SLC39A11: variants seen among roughly 807,000 people sequenced by gnomAD.
The protein encoded by SLC39A11 is solute carrier family 39 member 11, also known as zinc transporter ZIP11.
In SLC39A11, 33 loss-of-function variants were observed where a neutral mutation model predicts 36.1. The observed-to-expected ratio is 0.91, with a 90% CI of 0.69 to 1.22. The LOEUF (loss-of-function observed/expected upper bound fraction) is 1.22. Among genes scored for constraint, SLC39A11 ranks in the 50% most tolerant of loss-of-function variants. The pLI, the probability that SLC39A11 is intolerant of heterozygous loss-of-function variation, is 0.00. For synonymous variants in SLC39A11, 166 were observed against 170.3 expected (o/e 0.97, Z 0.20); for missense variants, 432 against 430.3 (o/e 1.00, Z -0.03).
At chr17:72,948,270 G>T (rs2085572130) in intron 4 of SLC39A11, among the ~76,000 whole-genome samples, 3 of 145,156 alleles carry the variant, frequency 2.1e-5, no homozygotes, top group African/African-American at 5.2e-5. Context: ...CGTCATCGCC[G>T]CACACATACC....
At chr17:72,852,162 G>A (rs560765171) in intron 5 of SLC39A11, among the ~76,000 whole-genome samples, 11 of 122,144 alleles carry the variant, frequency 9.0e-5, no homozygotes, top group Admixed American at 3.4e-4. Context: ...CCGAGATCCC[G>A]CGGCTGCACT....
At chr17:72,913,589 G>A (rs1482131160) in intron 5 of SLC39A11, among the ~76,000 whole-genome samples, 1 of 152,152 alleles carries the variant, frequency 6.6e-6, no homozygotes, top group Admixed American at 6.5e-5. Flanking sequence ...GAGAGAGGTA[G>A]AGATTTGGAC....
intron 4 of SLC39A11, among the ~76,000 whole-genome samples, chr17:72,997,542 C>T (rs2089592736): frequency 6.6e-6 from 1 of 152,192 alleles, no homozygotes; most frequent in Non-Finnish European, 1.5e-5. Context: ...CGTGAGCCAC[C>T]ACGCCCAGCC....
intron 6 of SLC39A11, among the ~76,000 whole-genome samples, chr17:72,755,019 C>A (rs563320468): frequency 1.3e-5 from 2 of 151,950 alleles, no homozygotes; most frequent in Non-Finnish European, 2.9e-5. Flanking sequence ...CTTTTTGTAT[C>A]CACAGGATAG....
intron 7 of SLC39A11, among the ~76,000 whole-genome samples, chr17:72,729,408 TATATATA>T (rs2074069434): frequency 0.018 from 79 of 4,442 alleles, 5 homozygotes; most frequent in African/African-American, 0.024. Flanking sequence ...TGGCTATTTA[TATATATA>T]TATATATATA....
intron 7 of SLC39A11, among the ~76,000 whole-genome samples, chr17:72,715,216 G>A (rs988436467): frequency 2.6e-5 from 4 of 152,160 alleles, no homozygotes; most frequent in Non-Finnish European, 5.9e-5. Flanking sequence ...GATGTTACAA[G>A]GCAGATAAGA....
chr17:72,978,118 T>C (rs565141554), intron 4 of SLC39A11, among the ~76,000 whole-genome samples: 3 of 152,246 alleles, frequency 2.0e-5, no homozygotes, highest in African/African-American at 4.8e-5. Flanking sequence ...GAGGTTCTAG[T>C]GAGAATCTGG....
intron 7 of SLC39A11, among the ~76,000 whole-genome samples, chr17:72,720,821 G>C (rs1447828398): frequency 2.0e-5 from 3 of 152,180 alleles, no homozygotes; most frequent in Admixed American, 6.5e-5. Context: ...GCCAGGATTT[G>C]AACCCAGGGA....
intron 6 of SLC39A11, among the ~76,000 whole-genome samples, chr17:72,848,378 T>C (rs973091154): frequency 1.3e-5 from 2 of 152,242 alleles, no homozygotes; most frequent in Non-Finnish European, 2.9e-5. Context: ...TTCATTGTTT[T>C]TGAAATAAGG....
chr17:72,750,380 G>T (rs1024474504), intron 6 of SLC39A11, among the ~76,000 whole-genome samples: 2 of 144,594 alleles, frequency 1.4e-5, no homozygotes, highest in Non-Finnish European at 3.0e-5. Context: ...CCGTACATGG[G>T]CATCATGAAC....
chr17:73,032,718 G>C (rs1164582792), intron 3 of SLC39A11, among the ~76,000 whole-genome samples: 1 of 152,124 alleles, frequency 6.6e-6, no homozygotes, highest in Non-Finnish European at 1.5e-5. Flanking sequence ...GACAGCCTCT[G>C]AAATATCTGA....
intron 7 of SLC39A11, among the ~76,000 whole-genome samples, chr17:72,706,165 T>G (rs1331714056): frequency 6.6e-6 from 1 of 152,154 alleles, no homozygotes; most frequent in Non-Finnish European, 1.5e-5. Context: ...GTGTTTGTTT[T>G]CCTTCTGATT....
At chr17:73,037,554 T>C (rs1044249357) in intron 3 of SLC39A11, among the ~76,000 whole-genome samples, 3 of 152,210 alleles carry the variant, frequency 2.0e-5, no homozygotes, top group Non-Finnish European at 4.4e-5. Flanking sequence ...CCCCGGATGG[T>C]AGAGAACAAA....
chr17:72,873,361 T>C (rs991146906), intron 5 of SLC39A11, among the ~76,000 whole-genome samples: 2 of 152,136 alleles, frequency 1.3e-5, no homozygotes, highest in African/African-American at 2.4e-5. Context: ...AATCACCTTA[T>C]CCATTTCCTA....
chr17:73,001,866 T>C (rs2089842116), intron 4 of SLC39A11, among the ~76,000 whole-genome samples: 1 of 152,130 alleles, frequency 6.6e-6, no homozygotes, highest in Non-Finnish European at 1.5e-5. Flanking sequence ...ATGGAAAGTA[T>C]CACAGACAGA....
rs187538656 is a variant in SLC39A11 at position 72,721,941 on chromosome 17, G to T, written c.671+14709C>A. Among the ~76,000 whole-genome samples the T allele has an allele frequency of 2.8e-3, 386 of 138,224 alleles. 3 individuals carry two copies. The highest frequency in any genetic ancestry group is 0.011 in the African/African-American group (368 of 35,026). The allele number at this position is 138,224 out of a possible 152,430, so 90.7% of individuals were successfully genotyped here. On this transcript the variant is annotated intron_variant, in intron 7 of 9. Coordinates refer to ENST00000255559, the MANE Select transcript of SLC39A11 (RefSeq NM_139177.4). ...GCAGAGATGGCGCCACTACATTCCA[G>T]CCTGGGCAACAGGCAAGCCTCCATC...
At chr17:72,809,753 TTTTG>T (rs963665906) in intron 6 of SLC39A11, among the ~76,000 whole-genome samples, 13 of 152,260 alleles carry the variant, frequency 8.5e-5, no homozygotes, top group Admixed American at 3.9e-4. Flanking sequence ...AAGCCTCAGA[TTTTG>T]TTTGTTTGTT....
At chr17:72,936,180 A>G (rs1263469296) in intron 5 of SLC39A11, among the ~76,000 whole-genome samples, 2 of 152,150 alleles carry the variant, frequency 1.3e-5, no homozygotes, top group Non-Finnish European at 2.9e-5. Context: ...CCTGGGCGAC[A>G]GAGTGAGATG....
At chr17:72,715,286 G>A (rs571574403) in intron 7 of SLC39A11, among the ~76,000 whole-genome samples, 2 of 152,346 alleles carry the variant, frequency 1.3e-5, no homozygotes, top group South Asian at 2.1e-4. Context: ...ATTTAGCAAT[G>A]CCTCTTCTGG....
Sources: allele counts gnomAD v4.1 joint callset (sites outside exome capture counted in the v4.1 genomes callset), GRCh38; gene constraint gnomAD v4.1.1; transcripts MANE v1.5; gene names NCBI Gene and HGNC (gene_info 2026-07-23, HGNC 2026-07-21).